Variants in CA10 observed in about 807,000 individuals in gnomAD.
CA10 encodes carbonic anhydrase-related protein 10.
A neutral mutation model predicts 44.2 loss-of-function variants in CA10; 14 were observed. The ratio of observed to expected loss-of-function variants is 0.32; its 90% CI spans 0.21 to 0.50. The LOEUF is 0.50. Among genes scored for constraint, CA10 ranks in the 20% least tolerant of loss-of-function variants. The pLI is 0.99. For synonymous variants in CA10, 159 were observed against 141.6 expected (o/e 1.12, Z -0.87); for missense variants, 350 against 409.7 (o/e 0.85, Z 1.26).
chr17:52,005,802 T>C lies in CA10; in HGVS notation c.136+66517A>G, dbSNP rs956695508. ...TCTATTGACTTATAATAATTAGTCATATGATAAACAACCAGCGGCTGGAGA... is the reference window on the plus strand; with the variant it reads ...TCTATTGACTTATAATAATTAGTCACATGATAAACAACCAGCGGCTGGAGA... On this transcript the variant is annotated intron_variant, in intron 2 of 8. Transcript: ENST00000451037. Among the ~76,000 whole-genome samples, 18 of 151,880 alleles carry C rather than the reference T, an allele frequency of 1.2e-4. 1 individual carries two copies. Among genetic ancestry groups the C allele is most frequent in the Non-Finnish European group, 5.9e-5 (4 of 67,912 alleles).
At chr17:52,133,886 A>T (rs2143358016) in intron 1 of CA10, among the ~76,000 whole-genome samples, 1 of 152,322 alleles carries the variant, frequency 6.6e-6, no homozygotes, top group Non-Finnish European at 1.5e-5. Context: ...AGATTAATGA[A>T]TGAAGAAGGA....
intron 4 of CA10, 66 bp from the exon 5 acceptor site, chr17:51,653,802 C>T (rs1314890522): frequency 2.2e-6 from 2 of 903,104 alleles, no homozygotes; most frequent in Non-Finnish European, 3.7e-6. Context: ...GGCATAGCAC[C>T]TGCCCCTACA....
At chr17:51,677,678 A>G (rs1477298170) in intron 4 of CA10, among the ~76,000 whole-genome samples, 1 of 152,160 alleles carries the variant, frequency 6.6e-6, no homozygotes, top group African/African-American at 2.4e-5. Flanking sequence ...AGAGAGAGAG[A>G]GAACTGTCAT....
chr17:52,023,888 C>T (rs1314220168), intron 2 of CA10, among the ~76,000 whole-genome samples: 3 of 151,854 alleles, frequency 2.0e-5, no homozygotes, highest in Non-Finnish European at 4.4e-5. Flanking sequence ...TTTCTTCTGT[C>T]TATATTTAAA....
chr17:52,015,883 CAG>C (rs1361015366), intron 2 of CA10, among the ~76,000 whole-genome samples: 1 of 152,062 alleles, frequency 6.6e-6, no homozygotes, highest in Non-Finnish European at 1.5e-5. Flanking sequence ...TTAAACAAAT[CAG>C]ATATTCTTTC....
At chr17:51,843,144 G>T (rs1202834218) in intron 3 of CA10, among the ~76,000 whole-genome samples, 1 of 152,184 alleles carries the variant, frequency 6.6e-6, no homozygotes, top group Non-Finnish European at 1.5e-5. Flanking sequence ...GACATCTCCA[G>T]CAGTGGAAGC....
intron 3 of CA10, among the ~76,000 whole-genome samples, chr17:51,776,167 C>T (rs188153452): frequency 6.6e-6 from 1 of 152,098 alleles, no homozygotes; most frequent in Non-Finnish European, 1.5e-5. Flanking sequence ...TGATACCAGC[C>T]TGACCAACGT....
At chr17:51,675,990 A>G (rs1210755340) in intron 4 of CA10, among the ~76,000 whole-genome samples, 1 of 152,204 alleles carries the variant, frequency 6.6e-6, no homozygotes, top group African/African-American at 2.4e-5. Flanking sequence ...TGATGCTTGT[A>G]AGGTCCTAAG....
At chr17:51,670,310 G>T (rs1008939562) in intron 4 of CA10, among the ~76,000 whole-genome samples, 1 of 152,148 alleles carries the variant, frequency 6.6e-6, no homozygotes. Context: ...TACAACAGGT[G>T]TACAGGCAGG....
intron 4 of CA10, among the ~76,000 whole-genome samples, chr17:51,667,973 C>T (rs368257283): frequency 1.2e-4 from 19 of 152,180 alleles, no homozygotes; most frequent in African/African-American, 3.4e-4. Flanking sequence ...TGGAAACCAC[C>T]GGTCCCAATC....
intron 2 of CA10, among the ~76,000 whole-genome samples, chr17:51,989,148 T>A (rs534411710): frequency 6.7e-6 from 1 of 148,676 alleles, no homozygotes; most frequent in Non-Finnish European, 1.5e-5. Context: ...TCAGAATCTC[T>A]GTTTCTTTTT....
Position 51,631,313 on chromosome 17 carries a change from G to A in CA10, c.*271C>T, listed in dbSNP as rs1426504215. 8 of 404,850 alleles carry A rather than the reference G, an allele frequency of 2.0e-5. No individual in the cohort carries two copies. The highest frequency in any genetic ancestry group is 3.6e-5 in the Non-Finnish European group (8 of 225,210). The allele number at this position is 404,850 out of a possible 1,614,324, so 25.1% of individuals were successfully genotyped here. On this transcript the variant is annotated 3_prime_UTR_variant, in exon 9 of 9. Coordinates refer to ENST00000451037, the MANE Select transcript of CA10 (RefSeq NM_020178.5). ...TTTCTGAAACTTGACTTCCCATGATGGAGGTTGTAAGAGTGTGTGTGTGTG... is the reference window on the plus strand; with the variant it reads ...TTTCTGAAACTTGACTTCCCATGATAGAGGTTGTAAGAGTGTGTGTGTGTG...
At chr17:51,926,586 T>C (rs892466763) in intron 3 of CA10, among the ~76,000 whole-genome samples, 2 of 152,152 alleles carry the variant, frequency 1.3e-5, no homozygotes, top group Non-Finnish European at 2.9e-5. Flanking sequence ...TTCTGGAAGC[T>C]CCAAGGAAGA....
intron 4 of CA10, among the ~76,000 whole-genome samples, chr17:51,698,709 C>T (rs1915484829): frequency 6.6e-6 from 1 of 152,138 alleles, no homozygotes; most frequent in African/African-American, 2.4e-5. Context: ...GCCCAGATCT[C>T]CTCATTTGCC....
At chr17:52,117,578 G>T (rs934088780) in intron 1 of CA10, among the ~76,000 whole-genome samples, 4 of 152,156 alleles carry the variant, frequency 2.6e-5, no homozygotes, top group African/African-American at 9.7e-5. Context: ...ATAAAAAAGA[G>T]CTCTAATTAA....
At chr17:52,146,534 C>CA (rs933820924) in intron 1 of CA10, among the ~76,000 whole-genome samples, 92 of 152,038 alleles carry the variant, frequency 6.1e-4, no homozygotes, top group Admixed American at 9.8e-4. Context: ...ACTAAAAATA[C>CA]AAAAAATCAG....
At chr17:52,024,506 G>C (rs1986239767) in intron 2 of CA10, among the ~76,000 whole-genome samples, 1 of 151,982 alleles carries the variant, frequency 6.6e-6, no homozygotes, top group South Asian at 2.1e-4. Context: ...GGAGTCAGTG[G>C]GGGGTGGGAG....
chr17:51,938,170 C>T (rs1982937732), intron 2 of CA10, among the ~76,000 whole-genome samples: 2 of 152,142 alleles, frequency 1.3e-5, no homozygotes, highest in African/African-American at 4.8e-5. Context: ...ATGGGGGTGA[C>T]AGCTACTTCA....
At chr17:52,040,491 C>G (rs1227061213) in intron 2 of CA10, among the ~76,000 whole-genome samples, 1 of 152,024 alleles carries the variant, frequency 6.6e-6, no homozygotes, top group Non-Finnish European at 1.5e-5. Context: ...CATGGAATGA[C>G]AGGGATGAGA....
Sources: allele counts gnomAD v4.1 joint callset (sites outside exome capture counted in the v4.1 genomes callset), GRCh38; gene constraint gnomAD v4.1.1; transcripts MANE v1.5; gene names NCBI Gene and HGNC (gene_info 2026-07-23, HGNC 2026-07-21).